Variants in PHLPP1 observed in about 807,000 individuals in gnomAD.
The protein encoded by PHLPP1 is PH domain leucine-rich repeat-containing protein phosphatase 1.
A neutral mutation model predicts 117.2 loss-of-function variants in PHLPP1; 42 were observed. That is an observed-to-expected ratio of 0.36 (90% confidence interval 0.28 to 0.46). The LOEUF (loss-of-function observed/expected upper bound fraction) is 0.46, where lower values mean the gene tolerates loss of function less well. Among genes scored for constraint, PHLPP1 ranks in the 20% least tolerant of loss-of-function variants. The pLI, the probability that PHLPP1 is intolerant of heterozygous loss-of-function variation, is 1.00. For missense variants in PHLPP1, 2,084 were observed against 2,241.9 expected (o/e 0.93, Z 1.42); for synonymous variants, 1,042 against 970.7 (o/e 1.07, Z -1.37).
chr18:62,945,533 C>T (rs1910256799), intron 12 of PHLPP1, among the ~76,000 whole-genome samples: 1 of 152,152 alleles, frequency 6.6e-6, no homozygotes, highest in South Asian at 2.1e-4. Context: ...CATGAGGCTA[C>T]CCACATAGCC....
intron 10 of PHLPP1, among the ~76,000 whole-genome samples, chr18:62,922,590 A>G (rs1033071839): frequency 4.6e-5 from 7 of 152,354 alleles, no homozygotes; most frequent in Non-Finnish European, 1.0e-4. Context: ...TTGTTCCCCT[A>G]GAGTTCTACG....
intron 1 of PHLPP1, among the ~76,000 whole-genome samples, chr18:62,812,063 C>T (rs1041082094): frequency 6.6e-6 from 1 of 152,114 alleles, no homozygotes; most frequent in African/African-American, 2.4e-5. Context: ...CTAGTTAGAA[C>T]CACTGGAAAA....
At chr18:62,935,614 C>A (rs1293684631) in intron 10 of PHLPP1, among the ~76,000 whole-genome samples, 1 of 152,160 alleles carries the variant, frequency 6.6e-6, no homozygotes, top group Non-Finnish European at 1.5e-5. Context: ...ACAAACCTTA[C>A]CAGACAGCTA....
intron 9 of PHLPP1, among the ~76,000 whole-genome samples, chr18:62,915,245 G>A (rs1358645436): frequency 6.6e-6 from 1 of 152,202 alleles, no homozygotes; most frequent in African/African-American, 2.4e-5. Flanking sequence ...AGGCAGTGGT[G>A]CTTGGTGGAA....
chr18:62,794,222 G>A (rs1372541664), intron 1 of PHLPP1, among the ~76,000 whole-genome samples: 1 of 151,968 alleles, frequency 6.6e-6, no homozygotes. Flanking sequence ...TGAAGTGCTT[G>A]TTTTGTTTTG....
At chr18:62,867,912 C>T (rs555478699) in intron 4 of PHLPP1, among the ~76,000 whole-genome samples, 5 of 152,048 alleles carry the variant, frequency 3.3e-5, no homozygotes, top group African/African-American at 7.2e-5. Context: ...CCCAGATTCA[C>T]GCCATTCTCC....
chr18:62,721,109 T>C (rs1001788079), intron 1 of PHLPP1, among the ~76,000 whole-genome samples: 1 of 152,220 alleles, frequency 6.6e-6, no homozygotes, highest in African/African-American at 2.4e-5. Context: ...CTGTTTTTGT[T>C]GGTAATGAGG....
At chr18:62,971,950 C>T (rs1443467873) in intron 14 of PHLPP1, among the ~76,000 whole-genome samples, 1 of 151,952 alleles carries the variant, frequency 6.6e-6, no homozygotes, top group African/African-American at 2.4e-5. Context: ...GTGGGAGAAT[C>T]GCTTGAGCCC....
intron 1 of PHLPP1, among the ~76,000 whole-genome samples, chr18:62,720,255 T>C (rs889245455): frequency 3.9e-5 from 6 of 152,190 alleles, no homozygotes; most frequent in African/African-American, 1.4e-4. Context: ...TTAGACTCTC[T>C]GGGGAGCCTT....
At chr18:62,721,783 A>C in intron 1 of PHLPP1, among the ~76,000 whole-genome samples, 1 of 152,184 alleles carries the variant, frequency 6.6e-6, no homozygotes. Flanking sequence ...TGGTTGCTAT[A>C]AGATTATCAA....
At chr18:62,832,234 C>T (rs986322379) in intron 2 of PHLPP1, 1 of 152,118 alleles carries the variant, frequency 6.6e-6, no homozygotes, top group African/African-American at 2.4e-5. Flanking sequence ...GATTTTGTAT[C>T]AGAAGATGAA....
At chr18:62,788,927 A>G (rs1913378577) in intron 1 of PHLPP1, among the ~76,000 whole-genome samples, 1 of 152,256 alleles carries the variant, frequency 6.6e-6, no homozygotes, top group African/African-American at 2.4e-5. Context: ...TTGTTAGCAA[A>G]TAAGAGGTGT....
At chr18:62,920,295 C>T (rs183177751) in intron 10 of PHLPP1, among the ~76,000 whole-genome samples, 181 bp downstream of exon 10, 4 of 152,160 alleles carry the variant, frequency 2.6e-5, no homozygotes, top group African/African-American at 9.7e-5. Context: ...TCAGGAGCAA[C>T]CTATAGATTC....
chr18:62,868,425 C>T (rs1915820288), intron 4 of PHLPP1, among the ~76,000 whole-genome samples: 1 of 151,576 alleles, frequency 6.6e-6, no homozygotes, highest in Admixed American at 6.6e-5. Flanking sequence ...TCATGTTGGC[C>T]AGCCTGGCCA....
chr18:62,926,066 GT>G (rs2144433025), intron 10 of PHLPP1, among the ~76,000 whole-genome samples: 1 of 152,316 alleles, frequency 6.6e-6, no homozygotes, highest in African/African-American at 2.4e-5. Context: ...TTTTTAAAGT[GT>G]TGTGTTCCTC....
chr18:62,795,737 G>T (rs1413426524), intron 1 of PHLPP1, among the ~76,000 whole-genome samples: 1 of 152,072 alleles, frequency 6.6e-6, no homozygotes, highest in African/African-American at 2.4e-5. Flanking sequence ...ATATCCTGTT[G>T]CCCCTCACTA....
chr18:62,718,980 T>C (rs759309122), intron 1 of PHLPP1, among the ~76,000 whole-genome samples: 11 of 152,220 alleles, frequency 7.2e-5, no homozygotes, highest in Non-Finnish European at 1.2e-4. Context: ...CACTTTCTTT[T>C]TTCTCAAAAC....
At chr18:62,785,126 G>C (rs1431577987) in intron 1 of PHLPP1, among the ~76,000 whole-genome samples, 2 of 152,206 alleles carry the variant, frequency 1.3e-5, no homozygotes, top group African/African-American at 4.8e-5. Flanking sequence ...GTGTTTGGCT[G>C]ATAGGGAGGG....
intron 3 of PHLPP1, among the ~76,000 whole-genome samples, chr18:62,848,264 T>A (rs1480363156): frequency 6.6e-6 from 1 of 152,162 alleles, no homozygotes; most frequent in Non-Finnish European, 1.5e-5. Flanking sequence ...TCCCTCAACT[T>A]GTTGACATAT....
Sources: allele counts gnomAD v4.1 joint callset (sites outside exome capture counted in the v4.1 genomes callset), GRCh38; gene constraint gnomAD v4.1.1; transcripts MANE v1.5; gene names NCBI Gene and HGNC (gene_info 2026-07-23, HGNC 2026-07-21).